CHEK2: variants seen among roughly 807,000 people sequenced by gnomAD.
CHEK2 encodes checkpoint kinase 2.
Under a neutral mutation model 69.1 loss-of-function variants are expected in CHEK2, and 71 were observed. The observed-to-expected ratio is 1.03, with a 90% CI of 0.85 to 1.25. The LOEUF is 1.25. Among genes scored for constraint, CHEK2 ranks in the 50% most tolerant of loss-of-function variants. The pLI, the probability that CHEK2 is intolerant of heterozygous loss-of-function variation, is 0.00. For synonymous variants in CHEK2, 189 were observed against 226.9 expected, an observed-to-expected ratio of 0.83 and a Z score of 1.50; for missense variants, 664 against 649.6, an observed-to-expected ratio of 1.02 and a Z score of -0.24.
chr22:28,700,275 G>A (rs1484200015), intron 8 of CHEK2, among the ~76,000 whole-genome samples: 7 of 150,328 alleles, frequency 4.7e-5, no homozygotes, highest in Non-Finnish European at 7.4e-5. Flanking sequence ...GCAGTGGTGC[G>A]ATCTTGGCTC....
intron 2 of CHEK2, chr22:28,726,429 A>G (rs2054013988): frequency 6.8e-6 from 1 of 147,054 alleles, no homozygotes; most frequent in Admixed American, 6.9e-5. Flanking sequence ...TTTATTATAT[A>G]TAATATATAT....
chr22:28,711,417 A>C (rs1298129789), intron 6 of CHEK2, among the ~76,000 whole-genome samples: 1 of 152,170 alleles, frequency 6.6e-6, no homozygotes, highest in Admixed American at 6.6e-5. Flanking sequence ...GTCATCAAAA[A>C]GGATGTATTA....
intron 2 of CHEK2, among the ~76,000 whole-genome samples, chr22:28,727,423 G>A (rs984832216): frequency 1.4e-4 from 22 of 152,182 alleles, no homozygotes; most frequent in African/African-American, 3.1e-4. Context: ...TATGGGCCAC[G>A]GCTGGAAATT....
chr22:28,709,279 G>A (rs184265699), intron 7 of CHEK2, among the ~76,000 whole-genome samples: 2 of 152,186 alleles, frequency 1.3e-5, no homozygotes, highest in East Asian at 3.9e-4. Context: ...ATACTTAATG[G>A]ATACCCTTGG....
chr22:28,730,264 G>GAAAGCGGAAGGGAA, intron 2 of CHEK2, among the ~76,000 whole-genome samples: 1 of 534 alleles, frequency 1.9e-3, no homozygotes, highest in Non-Finnish European at 3.1e-3. Context: ...GAGGGGAGGG[G>GAAAGCGGAAGGGAA]AGGAAAGGAA....
intron 4 of CHEK2, chr22:28,724,467 T>C: frequency 4.6e-6 from 1 of 216,532 alleles, no homozygotes; most frequent in Admixed American, 5.2e-5. Flanking sequence ...ATAAAACCAA[T>C]TAAACCTTAA....
intron 1 of CHEK2, among the ~76,000 whole-genome samples, chr22:28,738,600 A>G (rs1021702526): frequency 1.3e-5 from 2 of 152,174 alleles, no homozygotes; most frequent in African/African-American, 4.8e-5. Context: ...AGCCATGCAG[A>G]GAAGTGAGTG....
rs587780181 is a variant in CHEK2 at position 28,734,461 on chromosome 22, CTCCTCAGGTTCTTGG to C, written c.246_260del (p.Asp82_Glu86del). The C allele has an allele frequency of 1.3e-4, 208 of 1,613,948 alleles. No individual in the cohort carries two copies. Among genetic ancestry groups the C allele is most frequent in the South Asian group, 2.3e-4 (21 of 91,086 alleles). ...ATCGAGCCCAGGGGGCAGGGGTAGG[CTCCTCAGGTTCTTGG>C]TCCTCAGGTTCTTGGTCCTCAGGAA... On this transcript the variant is annotated inframe_deletion, in exon 2 of 15. Transcript: ENST00000404276.
chr22:28,722,732 G>C (rs1169077651), intron 4 of CHEK2, among the ~76,000 whole-genome samples: 1 of 151,932 alleles, frequency 6.6e-6, no homozygotes, highest in Non-Finnish European at 1.5e-5. Flanking sequence ...GTTAGATGGG[G>C]TCTCACCATG....
chr22:28,701,645 G>A (rs939267317), intron 8 of CHEK2, among the ~76,000 whole-genome samples: 8 of 152,164 alleles, frequency 5.3e-5, no homozygotes, highest in Non-Finnish European at 8.8e-5. Flanking sequence ...ATCAAGACAG[G>A]CATCTTCCAG....
chr22:28,724,996 C>G lies in CHEK2; in HGVS notation c.573G>C (p.Leu191=), dbSNP rs786201267. The stretch of plus-strand genomic sequence containing the variant: ...TATTACCTTTATTTCTGCTTAGTGA[C>G]AGTGCAATTTCAGAATTGTTATTCA... ...RPLNNNSEIA[L]SLSRNKVFVF... is the part of the protein sequence containing the mutation. Residue 191 remains leucine, a synonymous_variant, in exon 4 of 15, where the codon CTG becomes CTC. Transcript: ENST00000404276. 3.1e-6 allele frequency: 5 copies of G among 1,613,810 alleles called. No individual in the cohort carries two copies. Among genetic ancestry groups the G allele is most frequent in the East Asian group, 4.5e-5 (2 of 44,870 alleles).
intron 2 of CHEK2, chr22:28,730,344 AGAAAGGG>A (rs975320222): frequency 1.9e-4 from 89 of 474,176 alleles, no homozygotes; most frequent in Admixed American, 4.6e-4. Context: ...AAAGGAAAAA[AGAAAGGG>A]GAAAGGGGAA....
chr22:28,724,713 T>G, intron 4 of CHEK2: 1 of 437,856 alleles, frequency 2.3e-6, no homozygotes, highest in Non-Finnish European at 4.4e-6. Flanking sequence ...ATTACAGGCA[T>G]GCACCACCAT....
intron 4 of CHEK2, among the ~76,000 whole-genome samples, chr22:28,719,711 G>A (rs534567274): frequency 6.6e-6 from 1 of 152,254 alleles, no homozygotes; most frequent in East Asian, 1.9e-4. Flanking sequence ...TGCTTCAATG[G>A]AACTATAAGC....
In CHEK2 at chr22:28,702,102, C is replaced by A. The variant is rs557971989; in HGVS notation, c.908+1403G>T. Among the ~76,000 whole-genome samples the A allele has an allele frequency of 6.9e-5, 10 of 145,326 alleles. No individual in the cohort carries two copies. In the South Asian group the frequency reaches 2.0e-3, roughly 30 times the overall value. On this transcript the variant is annotated intron_variant, in intron 8 of 14. Transcript: ENST00000404276. ...AAATCACAGGGATTCCAGGCACGTG[C>A]CACTATGCCCGGCTAATTTTGTGTG... is the stretch of plus-strand genomic sequence containing the variant.
chr22:28,717,372 C>T (rs1000124286), intron 5 of CHEK2, among the ~76,000 whole-genome samples: 2 of 151,852 alleles, frequency 1.3e-5, no homozygotes, highest in Admixed American at 1.3e-4. Context: ...AGCGAGACTC[C>T]ATCTCAAGAA....
At chr22:28,713,351 G>C (rs983771152) in intron 5 of CHEK2, among the ~76,000 whole-genome samples, 1 of 150,608 alleles carries the variant, frequency 6.6e-6, no homozygotes, top group Admixed American at 6.6e-5. Flanking sequence ...GAACATTTAT[G>C]TACAAGTTTT....
At chr22:28,708,381 G>C (rs1346056092) in intron 7 of CHEK2, among the ~76,000 whole-genome samples, 1 of 151,256 alleles carries the variant, frequency 6.6e-6, no homozygotes, top group Non-Finnish European at 1.5e-5. Context: ...GTGTGTGTGT[G>C]TGTGTGTGTG....
intron 2 of CHEK2, among the ~76,000 whole-genome samples, chr22:28,730,067 T>A: frequency 1.3e-5 from 2 of 150,090 alleles, no homozygotes; most frequent in Admixed American, 1.3e-4. Context: ...ATGGTCTCGA[T>A]CTCCTGACCT....
Sources: allele counts gnomAD v4.1 joint callset (sites outside exome capture counted in the v4.1 genomes callset), GRCh38; gene constraint gnomAD v4.1.1; transcripts MANE v1.5; gene names NCBI Gene and HGNC (gene_info 2026-07-23, HGNC 2026-07-21).